GLDC: variants seen among roughly 807,000 people sequenced by gnomAD.
GLDC encodes the protein glycine decarboxylase.
Under a neutral mutation model 121.3 loss-of-function variants are expected in GLDC, and 104 were observed. The ratio of observed to expected loss-of-function variants is 0.86; its 90% CI spans 0.73 to 1.01. The LOEUF (loss-of-function observed/expected upper bound fraction) is 1.01, where lower values mean the gene tolerates loss of function less well. Ranked by LOEUF, GLDC falls within the 50% of genes least tolerant of loss-of-function variation. The pLI is 0.00. For missense variants in GLDC, 1,429 were observed against 1,306.6 expected (o/e 1.09, Z -1.44); for synonymous variants, 546 against 480.6 (o/e 1.14, Z -1.78).
At chr9:6,577,369 T>C (rs1563844487) in intron 15 of GLDC, among the ~76,000 whole-genome samples, 1 of 152,190 alleles carries the variant, frequency 6.6e-6, no homozygotes, top group Non-Finnish European at 1.5e-5. Context: ...ATGGAGGTGG[T>C]TATGTTTTGC....
chr9:6,557,972 T>A (rs755076375), intron 17 of GLDC: 7 of 183,290 alleles, frequency 3.8e-5, no homozygotes, highest in Non-Finnish European at 8.1e-5. Context: ...GAGTTCACAG[T>A]CTCCATGCCT....
intron 10 of GLDC, 43 bp downstream of exon 10, chr9:6,592,808 G>GA: frequency 6.3e-7 from 1 of 1,588,214 alleles, no homozygotes; most frequent in Non-Finnish European, 8.6e-7. Context: ...GAAACAATGT[G>GA]AAAATTTGAA....
rs386833524 is a variant in GLDC at position 6,592,870 on chromosome 9, C to T, written c.1382G>A (p.Arg461Gln). 8.1e-6 allele frequency: 13 copies of T among 1,613,528 alleles called. No individual in the cohort carries two copies. Among genetic ancestry groups the T allele is most frequent in the East Asian group, 4.5e-5 (2 of 44,902 alleles). ...ACTTACTGTGCCATCCTCAAAAAGC[C>T]GAAAATTGATCTGCCGCTGAGCGGC... is the stretch of plus-strand genomic sequence containing the variant. Reference protein sequence around the residue: ...GRAAQRQINFRLFEDGTLGIS... With the variant: ...GRAAQRQINFQLFEDGTLGIS... The change falls in exon 10 of 25, where the codon CGG (arginine) becomes CAG (glutamine). Residue 461 changes from arginine to glutamine, a missense_variant. Coordinates refer to ENST00000321612, the MANE Select transcript of GLDC (RefSeq NM_000170.3).
chr9:6,556,431 C>A, intron 17 of GLDC, 129 bp from the exon 18 acceptor site: 3 of 757,228 alleles, frequency 4.0e-6, no homozygotes, highest in East Asian at 2.6e-5. Context: ...GGAACTGTCT[C>A]AAAGTACAAT....
chr9:6,558,235 A>C, intron 17 of GLDC: 1 of 578,578 alleles, frequency 1.7e-6, no homozygotes, highest in Non-Finnish European at 3.1e-6. Context: ...AAGATGTGTA[A>C]GTGTGACTGC....
chr9:6,571,841 TACACAGAGATC>T (rs1476548230), intron 15 of GLDC, among the ~76,000 whole-genome samples: 29 of 152,164 alleles, frequency 1.9e-4, no homozygotes, highest in Non-Finnish European at 5.9e-5. Context: ...CAAGCCTATG[TACACAGAGATC>T]ACACATAGAT....
intron 15 of GLDC, among the ~76,000 whole-genome samples, chr9:6,574,811 G>A (rs988373813): frequency 1.3e-5 from 2 of 152,006 alleles, no homozygotes; most frequent in East Asian, 1.9e-4. Context: ...CACTAGGCTC[G>A]GTGGAAAACT....
chr9:6,602,116 G>A lies in GLDC; in HGVS notation c.1148C>T (p.Thr383Ile), dbSNP rs1473856167. The A allele has an allele frequency of 1.9e-6, 3 of 1,598,752 alleles. No homozygotes were observed. Among genetic ancestry groups the A allele is most frequent in the South Asian group, 1.1e-5 (1 of 90,766 alleles). The stretch of plus-strand genomic sequence containing the variant: ...GTCAGACGTGTGATTTACCTGAGCT[G>A]TACAGATGTTGCTGGTAGCCTTGTC... ...RRDKATSNIC[T>I]AQALLANMAA... The change falls in exon 8 of 25, where the codon ACA (threonine) becomes ATA (isoleucine). Residue 383 changes from threonine (T) to isoleucine (I), a missense_variant. Physicochemically the swap from Thr to Ile is moderately conservative, Grantham distance 89 (BLOSUM62 -1). Coordinates refer to ENST00000321612, the MANE Select transcript of GLDC (RefSeq NM_000170.3).
At chr9:6,637,076 T>G (rs563147800) in intron 2 of GLDC, among the ~76,000 whole-genome samples, 1 of 148,438 alleles carries the variant, frequency 6.7e-6, no homozygotes, top group Non-Finnish European at 1.5e-5. Context: ...AGAGCAGAAC[T>G]GGTTTTGTTT....
intron 2 of GLDC, among the ~76,000 whole-genome samples, chr9:6,640,034 C>T (rs927303913): frequency 8.5e-5 from 13 of 152,178 alleles, no homozygotes; most frequent in African/African-American, 2.9e-4. Flanking sequence ...ATCAGTTGCC[C>T]GACTTCTAGT....
At chr9:6,639,226 T>C (rs1445317883) in intron 2 of GLDC, 1 of 912,358 alleles carries the variant, frequency 1.1e-6, no homozygotes, top group African/African-American at 1.6e-5. Flanking sequence ...AAGGCAGTGT[T>C]GAAAGGTGTC....
chr9:6,639,258 G>T (rs776187644), intron 2 of GLDC: 2 of 905,350 alleles, frequency 2.2e-6, no homozygotes, highest in Non-Finnish European at 3.7e-6. Flanking sequence ...AAAAAAAGAA[G>T]ATCCGCACAT....
intron 2 of GLDC, among the ~76,000 whole-genome samples, chr9:6,631,437 G>A (rs1001977859): frequency 1.3e-5 from 2 of 152,202 alleles, no homozygotes; most frequent in Non-Finnish European, 2.9e-5. Flanking sequence ...TGGGACAAGG[G>A]ATGATATGTC....
chr9:6,600,444 A>G (rs554605577), intron 8 of GLDC, among the ~76,000 whole-genome samples: 1 of 152,086 alleles, frequency 6.6e-6, no homozygotes, highest in Non-Finnish European at 1.5e-5. Flanking sequence ...TGGGAGGCCC[A>G]GGCAGGACCA....
At chr9:6,621,763 A>T (rs1276947803) in intron 2 of GLDC, among the ~76,000 whole-genome samples, 1 of 152,076 alleles carries the variant, frequency 6.6e-6, no homozygotes, top group Non-Finnish European at 1.5e-5. Context: ...TGATCCGCCC[A>T]CCTCAGCCTC....
intron 17 of GLDC, among the ~76,000 whole-genome samples, chr9:6,557,367 G>A (rs193034560): frequency 2.0e-5 from 3 of 152,198 alleles, no homozygotes; most frequent in Non-Finnish European, 2.9e-5. Flanking sequence ...AGGCTGAGGC[G>A]GGCGGATCAT....
chr9:6,584,388 C>A lies in GLDC; in HGVS notation c.1850+2753G>T, dbSNP rs74370694. Among the ~76,000 whole-genome samples the A allele has an allele frequency of 5.5e-4, 83 of 152,242 alleles. 1 individual carries two copies. In the East Asian group the frequency reaches 0.016, roughly 29 times the overall value. On this transcript the variant is annotated intron_variant, in intron 15 of 24. Coordinates refer to ENST00000321612, the MANE Select transcript of GLDC (RefSeq NM_000170.3). ...CAAAAAATGTGACGTGCATATAGGT[C>A]CCCTAGATTTCACTGGACTCTAGCC...
chr9:6,618,644 A>G (rs1563863900), intron 3 of GLDC, among the ~76,000 whole-genome samples: 2 of 152,192 alleles, frequency 1.3e-5, no homozygotes, highest in African/African-American at 2.4e-5. Context: ...ACAGCAATGG[A>G]AAACAACAAA....
chr9:6,581,323 A>C (rs953205080), intron 15 of GLDC, among the ~76,000 whole-genome samples: 11 of 152,180 alleles, frequency 7.2e-5, no homozygotes, highest in Non-Finnish European at 1.5e-4. Context: ...GATGGTGATA[A>C]CCTGGTCACT....
Sources: allele counts gnomAD v4.1 joint callset (sites outside exome capture counted in the v4.1 genomes callset), GRCh38; gene constraint gnomAD v4.1.1; transcripts MANE v1.5; gene names NCBI Gene and HGNC (gene_info 2026-07-23, HGNC 2026-07-21).